Variants in PRCP observed in about 807,000 individuals in gnomAD.
PRCP encodes prolylcarboxypeptidase.
Under a neutral mutation model 54.2 loss-of-function variants are expected in PRCP, and 46 were observed. The observed-to-expected ratio is 0.85, with a 90% CI of 0.67 to 1.09. The LOEUF (loss-of-function observed/expected upper bound fraction) is 1.09. Among genes scored for constraint, PRCP ranks in the 50% least tolerant of loss-of-function variants. PRCP has a pLI of 0.00. For missense variants in PRCP, 613 were observed against 596.8 expected (o/e 1.03, Z -0.28); for synonymous variants, 240 against 212.2 (o/e 1.13, Z -1.14).
chr11:82,900,862 C>A (rs1436114425), upstream of PRCP: 1 of 458,558 alleles, frequency 2.2e-6, no homozygotes, highest in South Asian at 1.5e-5. Flanking sequence ...TCCTACGTAA[C>A]GGCAATAACA....
intron 1 of PRCP, among the ~76,000 whole-genome samples, chr11:82,882,829 T>C (rs1160354697): frequency 6.8e-6 from 1 of 147,504 alleles, no homozygotes; most frequent in Non-Finnish European, 1.5e-5. Flanking sequence ...TATTTCCATA[T>C]GAGTTGGAGA....
intron 1 of PRCP, among the ~76,000 whole-genome samples, chr11:82,872,021 C>G (rs1859493445): frequency 1.3e-5 from 2 of 152,140 alleles, no homozygotes; most frequent in African/African-American, 2.4e-5. Context: ...TACAGTACAA[C>G]AAGATATTTT....
intron 6 of PRCP, among the ~76,000 whole-genome samples, chr11:82,841,554 C>T (rs555345428): frequency 3.1e-4 from 47 of 151,968 alleles, no homozygotes; most frequent in Non-Finnish European, 4.6e-4. Context: ...TGCATCATTG[C>T]CAAAAGTTTT....
At chr11:82,877,588 G>T (rs1859638973) in intron 1 of PRCP, among the ~76,000 whole-genome samples, 1 of 152,210 alleles carries the variant, frequency 6.6e-6, no homozygotes, top group African/African-American at 2.4e-5. Flanking sequence ...GACTTCAGAG[G>T]GTGGGAGCCC....
At chr11:82,884,869 T>C in intron 1 of PRCP, 1 of 1,613,818 alleles carries the variant, frequency 6.2e-7, no homozygotes, top group South Asian at 1.1e-5. Flanking sequence ...TATGTGCAAC[T>C]GCCCAGCAGC....
rs761518160 is a variant in PRCP at position 82,849,057 on chromosome 11, G to T, written c.913C>A (p.Pro305Thr). 1 of 1,612,966 alleles carries T rather than the reference G, an allele frequency of 6.2e-7. No homozygotes were observed. The highest frequency in any genetic ancestry group is 1.3e-5 in the African/African-American group (1 of 74,824). The change falls in exon 6 of 9, where the codon CCT becomes ACT. Residue 305 changes from proline (P) to threonine (T), a missense_variant. Physicochemically the swap from Pro to Thr is conservative, Grantham distance 38. Transcript: ENST00000313010. ...GGACATTTTCCTATTACCTTGATAG[G>T]CCAAGCAGGCAAAGGCTGTAAAAAG... ...SNFLQPLPAW[P>T]IKVVCQYLKN...
intron 1 of PRCP, among the ~76,000 whole-genome samples, chr11:82,883,061 C>T (rs1227218822): frequency 1.3e-5 from 2 of 152,148 alleles, no homozygotes; most frequent in East Asian, 1.9e-4. Context: ...TCAGCTTGAG[C>T]CAGTTATTTG....
chr11:82,887,503 C>A (rs1462390240), intron 1 of PRCP, among the ~76,000 whole-genome samples: 1 of 152,140 alleles, frequency 6.6e-6, no homozygotes, highest in East Asian at 1.9e-4. Flanking sequence ...GAAAACAATA[C>A]CCCAAAGTAT....
Position 82,853,639 on chromosome 11 carries a change from C to T in PRCP, c.310-361G>A, listed in dbSNP as rs569568845. 1.2e-4 allele frequency among the ~76,000 whole-genome samples: 18 copies of T among 152,228 alleles called. No individual in the cohort carries two copies. The South Asian group carries it at 3.5e-3, about 30-fold the overall frequency. On this transcript the variant is annotated intron_variant, in intron 2 of 8. Transcript: ENST00000313010. The stretch of plus-strand genomic sequence containing the variant: ...ATTATTTTTAAATAAGGACGAGGGC[C>T]TCTTCCCTAACTCATTCTATGAAGC...
At chr11:82,844,716 G>C (rs1461406292) in intron 6 of PRCP, among the ~76,000 whole-genome samples, 4 of 125,680 alleles carry the variant, frequency 3.2e-5, no homozygotes, top group Non-Finnish European at 6.3e-5. Flanking sequence ...CTGGGAGACA[G>C]AGCGAGGCTC....
intron 8 of PRCP, among the ~76,000 whole-genome samples, chr11:82,832,546 G>C (rs955313048): frequency 6.6e-6 from 1 of 152,046 alleles, no homozygotes; most frequent in African/African-American, 2.4e-5. Context: ...CTTTCTGATG[G>C]GGTTATTTGT....
At chr11:82,881,140 C>T (rs146018560) in intron 1 of PRCP, among the ~76,000 whole-genome samples, 2 of 152,100 alleles carry the variant, frequency 1.3e-5, no homozygotes, top group African/African-American at 4.8e-5. Flanking sequence ...AGGTTGTGAT[C>T]CATTTGTAGG....
chr11:82,846,545 G>C (rs1456307779), intron 6 of PRCP, among the ~76,000 whole-genome samples: 2 of 152,080 alleles, frequency 1.3e-5, no homozygotes, highest in East Asian at 3.9e-4. Context: ...GATAATGTCA[G>C]TAAGAAATAA....
intron 2 of PRCP, among the ~76,000 whole-genome samples, chr11:82,855,468 A>C (rs948470584): frequency 6.6e-6 from 1 of 152,022 alleles, no homozygotes; most frequent in Admixed American, 6.5e-5. Flanking sequence ...AATGCAAAAA[A>C]CTTAGCCGGG....
In PRCP at chr11:82,900,362, A is replaced by G; in HGVS notation, c.41T>C (p.Leu14Pro). 6.2e-7 allele frequency: 1 copy of G among 1,614,036 alleles called. No individual in the cohort carries two copies. The highest frequency in any genetic ancestry group is 8.5e-7 in the Non-Finnish European group (1 of 1,179,916). ...RALLLLLLSFLAPWATIALRP... is the reference protein window; with the variant it reads ...RALLLLLLSFPAPWATIALRP... ...GAGGGCTATGGTGGCCCAGGGCGCC[A>G]GAAAAGACAGAAGCAGGAGCAGGAG... Residue 14 changes from leucine to proline, a missense_variant, in exon 1 of 9, where the codon CTG becomes CCG. Coordinates refer to ENST00000313010, the MANE Select transcript of PRCP (RefSeq NM_005040.4).
At chr11:82,879,630 C>T (rs1474885296) in intron 1 of PRCP, among the ~76,000 whole-genome samples, 1 of 152,212 alleles carries the variant, frequency 6.6e-6, no homozygotes, top group Non-Finnish European at 1.5e-5. Context: ...TTAGAATTTT[C>T]AGCTTTTCTG....
intron 2 of PRCP, among the ~76,000 whole-genome samples, chr11:82,854,809 G>A (rs991652998): frequency 2.0e-5 from 3 of 152,096 alleles, no homozygotes; most frequent in Non-Finnish European, 4.4e-5. Context: ...ATCAGGTACT[G>A]GTACAAAAAT....
At position 82,853,422 on chromosome 11, in the gene PRCP, AAT is replaced by A. The variant is rs1859006874; in HGVS notation, c.310-146_310-145del. ...TTGCACAATTTGTGTTTGTTCCACAAATAAATGACATAATTGATGTCTTATTG... is the reference window on the plus strand; with the variant it reads ...TTGCACAATTTGTGTTTGTTCCACAAAAATGACATAATTGATGTCTTATTG... On this transcript the variant is annotated intron_variant, in intron 2 of 8. Transcript: ENST00000313010. The A allele has an allele frequency of 1.7e-5, 9 of 544,470 alleles. No homozygotes were observed. The East Asian group carries it at 2.6e-4, about 16-fold the overall frequency. The allele number at this position is 544,470 out of a possible 1,614,324, so 33.7% of individuals were successfully genotyped here. A position where few individuals can be genotyped will look rare whatever the true frequency, so the allele number is the denominator to read the frequency against.
intron 1 of PRCP, among the ~76,000 whole-genome samples, chr11:82,861,999 T>A (rs1859216081): frequency 6.6e-6 from 1 of 152,082 alleles, no homozygotes; most frequent in African/African-American, 2.4e-5. Flanking sequence ...AGGGAAAGGC[T>A]CATTAGAGTA....
Sources: gnomAD v4.1 joint callset for allele counts (sites outside exome capture counted in the v4.1 genomes callset) on GRCh38, gnomAD v4.1.1 for gene constraint, MANE v1.5 for transcripts, NCBI Gene and HGNC (gene_info 2026-07-23, HGNC 2026-07-21) for gene names.